Variants in SLC5A8 observed in about 807,000 individuals in gnomAD.
SLC5A8 encodes the protein sodium-coupled monocarboxylate transporter 1.
Under a neutral mutation model 71.9 loss-of-function variants are expected in SLC5A8, and 55 were observed. The observed-to-expected ratio is 0.77, with a 90% CI of 0.62 to 0.96. The LOEUF is 0.96. Among genes scored for constraint, SLC5A8 ranks in the 40% least tolerant of loss-of-function variants. SLC5A8 has a pLI of 0.00. For synonymous variants in SLC5A8, 307 were observed against 276.1 expected (o/e 1.11, Z -1.11); for missense variants, 701 against 745.3 (o/e 0.94, Z 0.69).
intron 9 of SLC5A8, among the ~76,000 whole-genome samples, chr12:101,181,971 G>C (rs1296258504): frequency 6.6e-6 from 1 of 152,114 alleles, no homozygotes; most frequent in African/African-American, 2.4e-5. Context: ...TTGTGTTGAG[G>C]TTAAAGATTC....
Position 101,182,906 on chromosome 12 carries a change from G to C in SLC5A8, c.1062C>G (p.Ser354=). 6.4e-7 allele frequency: 1 copy of C among 1,567,330 alleles called. No homozygotes were observed. The highest frequency in any genetic ancestry group is 8.6e-7 in the Non-Finnish European group (1 of 1,161,524). The change falls in exon 9 of 15, where the codon TCC becomes TCG. Residue 354 remains serine, a synonymous_variant. Transcript: ENST00000536262. ...CAYSGTLSTV[S]SSINALAAVT... is the part of the protein sequence containing the mutation. Reference sequence around the variant, plus strand: ...CTGCTGCTAAGGCATTAATACTGGAGGACACTGTGCTGTAAGGGAAAATAA... The same window carrying C: ...CTGCTGCTAAGGCATTAATACTGGACGACACTGTGCTGTAAGGGAAAATAA...
At chr12:101,189,456 A>C (rs375767639) in intron 6 of SLC5A8, among the ~76,000 whole-genome samples, 3 of 152,204 alleles carry the variant, frequency 2.0e-5, no homozygotes, top group Non-Finnish European at 2.9e-5. Flanking sequence ...AAATAGAAAT[A>C]GAATTGTCCT....
At chr12:101,176,270 C>T (rs2137136808) in intron 10 of SLC5A8, among the ~76,000 whole-genome samples, 1 of 151,968 alleles carries the variant, frequency 6.6e-6, no homozygotes, top group South Asian at 2.1e-4. Flanking sequence ...TATATAATAA[C>T]AAAAAGGTTA....
At chr12:101,168,374 T>G (rs1305675122) in intron 10 of SLC5A8, among the ~76,000 whole-genome samples, 192 bp from the exon 11 acceptor site, 1 of 152,158 alleles carries the variant, frequency 6.6e-6, no homozygotes, top group African/African-American at 2.4e-5. Context: ...GTCTCAAGGA[T>G]CCATCTGTTT....
Position 101,168,256 on chromosome 12 carries a change from G to A in SLC5A8, c.1234-74C>T. On this transcript the variant is annotated intron_variant, in intron 10 of 14. Coordinates refer to ENST00000536262, the MANE Select transcript of SLC5A8 (RefSeq NM_145913.5). ...CAAATATTTCAAAGTCATTTCATCAGGATAATGACTTAAAGTATTCGGCCT... is the reference window on the plus strand; with the variant it reads ...CAAATATTTCAAAGTCATTTCATCAAGATAATGACTTAAAGTATTCGGCCT... The A allele has an allele frequency of 3.7e-6, 5 of 1,366,990 alleles. No individual in the cohort carries two copies. In the South Asian group the frequency reaches 6.7e-5, roughly 18 times the overall value. The allele number at this position is 1,366,990 out of a possible 1,614,324, so 84.7% of individuals were successfully genotyped here. A position where few individuals can be genotyped will look rare whatever the true frequency, so the allele number is the denominator to read the frequency against.
intron 10 of SLC5A8, among the ~76,000 whole-genome samples, chr12:101,168,453 C>A (rs1008499484): frequency 6.6e-6 from 1 of 152,140 alleles, no homozygotes; most frequent in Non-Finnish European, 1.5e-5. Context: ...ATGGTAGTGC[C>A]TATGTGAATG....
rs1380246903 is a variant in SLC5A8 at position 101,155,619 on chromosome 12, T to G, written c.*1660A>C. Reference sequence around the variant, plus strand: ...CTCCCACCTCAGCTTCCCTAATAACTGGGACTACAAGTATGTGGCAACATG... The same window carrying G: ...CTCCCACCTCAGCTTCCCTAATAACGGGGACTACAAGTATGTGGCAACATG... On this transcript the variant is annotated 3_prime_UTR_variant, in exon 15 of 15. Coordinates refer to ENST00000536262, the MANE Select transcript of SLC5A8 (RefSeq NM_145913.5). The G allele has an allele frequency of 2.0e-5, 3 of 151,468 alleles. No homozygotes were observed. The highest frequency in any genetic ancestry group is 3.9e-4 in the East Asian group (2 of 5,158). The allele number at this position is 151,468 out of a possible 1,614,324, so 9.4% of individuals were successfully genotyped here.
intron 3 of SLC5A8, among the ~76,000 whole-genome samples, chr12:101,201,298 A>G (rs1352485438): frequency 1.3e-5 from 2 of 152,212 alleles, no homozygotes; most frequent in Non-Finnish European, 2.9e-5. Flanking sequence ...TCTTGGTAAT[A>G]ATATTGTTCA....
At position 101,193,475 on chromosome 12, in the gene SLC5A8, T is replaced by C. The variant is rs1869011944; in HGVS notation, c.692+150A>G. ...CCTTAAAGAACAGAGGGAGGCTCCT[T>C]ACGTATTTACTTCTCTGCTTCAATT... On this transcript the variant is annotated intron_variant, in intron 5 of 14. Coordinates refer to ENST00000536262, the MANE Select transcript of SLC5A8 (RefSeq NM_145913.5). 9 of 822,440 alleles carry C rather than the reference T, an allele frequency of 1.1e-5. No individual in the cohort carries two copies. In the Admixed American group the frequency reaches 1.4e-4, roughly 12 times the overall value. The allele number at this position is 822,440 out of a possible 1,614,324, so 50.9% of individuals were successfully genotyped here.
chr12:101,191,655 G>A (rs755481932), intron 5 of SLC5A8, among the ~76,000 whole-genome samples: 5 of 152,134 alleles, frequency 3.3e-5, no homozygotes, highest in Non-Finnish European at 2.9e-5. Context: ...TAGTGGTTTA[G>A]GCCATACAGA....
chr12:101,163,148 T>C (rs2051739065), intron 12 of SLC5A8, among the ~76,000 whole-genome samples: 1 of 152,198 alleles, frequency 6.6e-6, no homozygotes, highest in Non-Finnish European at 1.5e-5. Flanking sequence ...CAGGGGGCTT[T>C]TTGTGGGACC....
chr12:101,192,279 C>A (rs1375580439), intron 5 of SLC5A8, among the ~76,000 whole-genome samples: 1 of 152,170 alleles, frequency 6.6e-6, no homozygotes, highest in Admixed American at 6.5e-5. Context: ...TGAAAATAGT[C>A]AAAGTTGATT....
chr12:101,202,234 G>A lies in SLC5A8; in HGVS notation c.418-19C>T, dbSNP rs2137168901. 6 of 1,544,400 alleles carry A rather than the reference G, an allele frequency of 3.9e-6. No homozygotes were observed. The East Asian group carries it at 1.5e-4, about 38-fold the overall frequency. On this transcript the variant is annotated intron_variant, in intron 2 of 14. Transcript: ENST00000536262. Reference sequence around the variant, plus strand: ...ACAGAATCTAGGGGGGAGAAAGAAAGCCAAATGAATTATATGAATTATAAA... The same window carrying A: ...ACAGAATCTAGGGGGGAGAAAGAAAACCAAATGAATTATATGAATTATAAA...
intron 3 of SLC5A8, among the ~76,000 whole-genome samples, chr12:101,200,259 T>C (rs11110698): frequency 0.13 from 20,160 of 151,580 alleles, 1,901 homozygotes; most frequent in East Asian, 0.53. Context: ...GCAAGGAAAA[T>C]TTCTGAGAGT....
chr12:101,179,110 T>A (rs899126283), intron 10 of SLC5A8, among the ~76,000 whole-genome samples: 3 of 152,192 alleles, frequency 2.0e-5, no homozygotes, highest in Admixed American at 1.3e-4. Flanking sequence ...CAATGAGATA[T>A]CACTATATGC....
intron 7 of SLC5A8, among the ~76,000 whole-genome samples, chr12:101,185,429 C>G (rs1593374657): frequency 6.6e-6 from 1 of 152,280 alleles, no homozygotes; most frequent in Admixed American, 6.5e-5. Context: ...GAGTGGCCCC[C>G]TCAAGTATAG....
intron 7 of SLC5A8, among the ~76,000 whole-genome samples, chr12:101,185,868 A>G (rs1069474): frequency 0.26 from 39,940 of 152,002 alleles, 5,706 homozygotes; most frequent in East Asian, 0.53. Context: ...GTGAGCCACC[A>G]CGACTGAGCG....
In SLC5A8 at chr12:101,161,723, G is replaced by A. The variant is rs1251362249; in HGVS notation, c.1630+251C>T. 2.0e-5 allele frequency among the ~76,000 whole-genome samples: 3 copies of A among 152,192 alleles called. No homozygotes were observed. The East Asian group carries it at 5.8e-4, about 29-fold the overall frequency. On this transcript the variant is annotated intron_variant, in intron 13 of 14. Transcript: ENST00000536262. ...TTGTCCTCATTTTATACATAAGAAA[G>A]CTGAGGCTCAGTGTAGCTATGTGAC...
chr12:101,194,095 C>T (rs999112049), intron 4 of SLC5A8, among the ~76,000 whole-genome samples: 1 of 151,952 alleles, frequency 6.6e-6, no homozygotes. Flanking sequence ...GGAGTGGTGT[C>T]GGGAGATTGT....
Sources: gnomAD v4.1 joint callset for allele counts (sites outside exome capture counted in the v4.1 genomes callset) on GRCh38, gnomAD v4.1.1 for gene constraint, MANE v1.5 for transcripts, NCBI Gene and HGNC (gene_info 2026-07-23, HGNC 2026-07-21) for gene names.